EDDM13: variants seen among roughly 807,000 people sequenced by gnomAD.
EDDM13 encodes epididymal protein 13.
In EDDM13, 24 loss-of-function variants were observed where a neutral mutation model predicts 17.8. The observed-to-expected ratio is 1.35, with a 90% CI of 0.98 to 1.90. EDDM13 has a LOEUF of 1.90. EDDM13 is among the 40% of genes most tolerant of loss of function. The probability of loss-of-function intolerance (pLI) is 0.00; values close to 1 mark genes in which losing one functional copy is unlikely to be tolerated. For synonymous variants in EDDM13, 31 were observed against 37.5 expected, an observed-to-expected ratio of 0.83 and a Z score of 0.63; for missense variants, 97 against 100.8, an observed-to-expected ratio of 0.96 and a Z score of 0.16.
intron 1 of EDDM13, among the ~76,000 whole-genome samples, chr19:56,274,202 C>T (rs2038073218): frequency 6.6e-6 from 1 of 151,982 alleles, no homozygotes; most frequent in Non-Finnish European, 1.5e-5. Context: ...ACCTGTAATC[C>T]CAGCACTTTG....
At chr19:56,273,451 G>A (rs1600149440) in intron 1 of EDDM13, among the ~76,000 whole-genome samples, 1 of 123,224 alleles carries the variant, frequency 8.1e-6, no homozygotes, top group East Asian at 2.1e-4. Flanking sequence ...GCTTGATGCT[G>A]GGAATATAGT....
At position 56,275,922 on chromosome 19, in the gene EDDM13, T is replaced by C. The variant is rs186739514; in HGVS notation, c.86-170T>C. Among the ~76,000 whole-genome samples the C allele has an allele frequency of 3.8e-4, 58 of 152,298 alleles. 1 individual carries two copies. The East Asian group carries it at 5.8e-3, about 15-fold the overall frequency. On this transcript the variant is annotated intron_variant, in intron 1 of 14. Coordinates refer to ENST00000649256, the MANE Select transcript of EDDM13 (RefSeq NM_001354658.2). ...ACTTATCGATGGATGGATGGGCTGATAGATGGGCCCGAGTAGCTTTATTGA... is the reference window on the plus strand; with the variant it reads ...ACTTATCGATGGATGGATGGGCTGACAGATGGGCCCGAGTAGCTTTATTGA...
intron 1 of EDDM13, among the ~76,000 whole-genome samples, chr19:56,274,204 A>G (rs1308401535): frequency 1.3e-5 from 2 of 152,198 alleles, no homozygotes; most frequent in African/African-American, 4.8e-5. Flanking sequence ...CTGTAATCCC[A>G]GCACTTTGGG....
chr19:56,291,086 A>T (rs1487398515), intron 9 of EDDM13, among the ~76,000 whole-genome samples: 1 of 152,200 alleles, frequency 6.6e-6, no homozygotes, highest in Non-Finnish European at 1.5e-5. Flanking sequence ...GGCTACATGC[A>T]GGACTGAGTA....
At chr19:56,297,239 G>A (rs1323518972) in intron 11 of EDDM13, among the ~76,000 whole-genome samples, 3 of 151,960 alleles carry the variant, frequency 2.0e-5, no homozygotes, top group African/African-American at 7.3e-5. Flanking sequence ...AGGGACACAG[G>A]GAGACTAACT....
At chr19:56,287,079 T>C (rs945520171) in intron 6 of EDDM13, among the ~76,000 whole-genome samples, 2 of 152,206 alleles carry the variant, frequency 1.3e-5, no homozygotes, top group African/African-American at 2.4e-5. Flanking sequence ...CACCATTCCA[T>C]GGATTCTGGA....
intron 12 of EDDM13, among the ~76,000 whole-genome samples, chr19:56,299,401 G>A (rs950684230): frequency 3.3e-5 from 5 of 151,354 alleles, no homozygotes; most frequent in Admixed American, 2.6e-4. Flanking sequence ...CCAAAGTGCT[G>A]GAATTACAGA....
chr19:56,285,074 A>T, intron 6 of EDDM13, 50 bp downstream of exon 6: 3 of 941,054 alleles, frequency 3.2e-6, no homozygotes, highest in Non-Finnish European at 3.8e-6. Flanking sequence ...CTTGTCCGCA[A>T]GGTAATGTAG....
intron 12 of EDDM13, 45 bp downstream of exon 12, chr19:56,297,576 G>A (rs2039963190): frequency 1.0e-6 from 1 of 959,088 alleles, no homozygotes; most frequent in Non-Finnish European, 1.2e-6. Context: ...AAGACAGTGT[G>A]TCCCTTCTGT....
chr19:56,285,617 GTTTGT>G (rs1244422919), intron 6 of EDDM13, among the ~76,000 whole-genome samples: 3 of 151,578 alleles, frequency 2.0e-5, no homozygotes, highest in Non-Finnish European at 4.4e-5. Flanking sequence ...GATTTGTTTT[GTTTGT>G]TTTAATTTTT....
chr19:56,298,890 G>A (rs2040052237), intron 12 of EDDM13, among the ~76,000 whole-genome samples: 1 of 152,072 alleles, frequency 6.6e-6, no homozygotes, highest in Non-Finnish European at 1.5e-5. Flanking sequence ...TACGACAAAG[G>A]AAAATTTCAG....
At chr19:56,294,907 A>G (rs930131204) in intron 9 of EDDM13, among the ~76,000 whole-genome samples, 1 of 152,238 alleles carries the variant, frequency 6.6e-6, no homozygotes, top group African/African-American at 2.4e-5. Flanking sequence ...CTCTGTCTCT[A>G]CGACATGTCC....
chr19:56,307,671 G>A (rs560086702), intron 14 of EDDM13, among the ~76,000 whole-genome samples: 1 of 152,298 alleles, frequency 6.6e-6, no homozygotes, highest in Admixed American at 6.5e-5. Flanking sequence ...CTAATAGTTT[G>A]CCTTGTGAAG....
chr19:56,301,132 G>A (rs1286656441), intron 12 of EDDM13, among the ~76,000 whole-genome samples: 1 of 152,130 alleles, frequency 6.6e-6, no homozygotes, highest in Non-Finnish European at 1.5e-5. Flanking sequence ...AAGAATTTGA[G>A]GCAAGTCCAT....
intron 1 of EDDM13, among the ~76,000 whole-genome samples, chr19:56,273,895 T>A (rs765354997): frequency 1.3e-5 from 2 of 152,158 alleles, no homozygotes; most frequent in Non-Finnish European, 2.9e-5. Flanking sequence ...TTCTGTGTGT[T>A]TAAACAATGT....
chr19:56,304,289 A>G (rs1256990101), intron 13 of EDDM13, among the ~76,000 whole-genome samples: 3 of 152,222 alleles, frequency 2.0e-5, no homozygotes, highest in African/African-American at 7.2e-5. Context: ...TGGAGAGACC[A>G]GGGAGATGAG....
In EDDM13 at chr19:56,302,704, T is replaced by A. The variant is rs556136937; in HGVS notation, c.423+609T>A. 673 of 205,960 alleles carry A rather than the reference T, an allele frequency of 3.3e-3. 2 individuals carry two copies. Among genetic ancestry groups the A allele is most frequent in the Non-Finnish European group, 5.2e-3 (544 of 105,396 alleles). The allele number at this position is 205,960 out of a possible 1,614,324, so 12.8% of individuals were successfully genotyped here. A position where few individuals can be genotyped will look rare whatever the true frequency, so the allele number is the denominator to read the frequency against. ...CCCTCCTTCTCTCTCCTTCCTTCTC[T>A]TTCCTTCTTCCCTCCCTCCCACCTC... On this transcript the variant is annotated intron_variant, in intron 13 of 14. Transcript: ENST00000649256.
At chr19:56,294,811 G>A (rs923849193) in intron 9 of EDDM13, among the ~76,000 whole-genome samples, 9 of 152,226 alleles carry the variant, frequency 5.9e-5, no homozygotes, top group African/African-American at 1.9e-4. Flanking sequence ...CACAAAGAAA[G>A]TGCTGACACA....
At chr19:56,295,778 A>G (rs963127979) in intron 9 of EDDM13, 181 bp from the exon 10 acceptor site, 1 of 152,440 alleles carries the variant, frequency 6.6e-6, no homozygotes, top group African/African-American at 2.4e-5. Context: ...ACTACTCAGC[A>G]CGACCCACCC....
Sources: allele counts gnomAD v4.1 joint callset (sites outside exome capture counted in the v4.1 genomes callset), GRCh38; gene constraint gnomAD v4.1.1; transcripts MANE v1.5; gene names NCBI Gene and HGNC (gene_info 2026-07-23, HGNC 2026-07-21).